CWC27: variants seen among roughly 807,000 people sequenced by gnomAD.
CWC27 encodes the protein CWC27 spliceosome associated cyclophilin.
Under a neutral mutation model 63.6 loss-of-function variants are expected in CWC27, and 47 were observed. That is an observed-to-expected ratio of 0.74 (90% CI 0.58 to 0.94). CWC27 has a LOEUF of 0.94. Ranked by LOEUF, CWC27 falls within the 40% of genes least tolerant of loss-of-function variation. CWC27 has a pLI of 0.00. For missense variants in CWC27, 495 were observed against 554.3 expected, an observed-to-expected ratio of 0.89 and a Z score of 1.07; for synonymous variants, 175 against 179.8, an observed-to-expected ratio of 0.97 and a Z score of 0.22.
intron 10 of CWC27, among the ~76,000 whole-genome samples, chr5:64,863,520 G>A (rs1008413855): frequency 3.3e-5 from 5 of 151,512 alleles, no homozygotes; most frequent in Non-Finnish European, 1.5e-5. Flanking sequence ...TTTACAACAG[G>A]ATATCACTCT....
At chr5:64,968,430 T>G (rs924118163) in intron 11 of CWC27, among the ~76,000 whole-genome samples, 1 of 151,998 alleles carries the variant, frequency 6.6e-6, no homozygotes, top group East Asian at 1.9e-4. Flanking sequence ...CAAACTTGTG[T>G]GTGTAAATGT....
rs569394340 is a variant in CWC27 at position 64,794,048 on chromosome 5, G to A, written c.669+5028G>A. Among the ~76,000 whole-genome samples, 5 of 152,168 alleles carry A rather than the reference G, an allele frequency of 3.3e-5. No homozygotes were observed. In the South Asian group the frequency reaches 1.0e-3, roughly 32 times the overall value. On this transcript the variant is annotated intron_variant, in intron 7 of 13. Coordinates refer to ENST00000381070, the MANE Select transcript of CWC27 (RefSeq NM_005869.4). ...CCTGATAAAATCTCTTAGAATCATA[G>A]AATTTTATAGCTCAAAGGGATTTTG...
intron 10 of CWC27, among the ~76,000 whole-genome samples, chr5:64,828,588 T>C (rs183383270): frequency 6.6e-6 from 1 of 152,142 alleles, no homozygotes; most frequent in African/African-American, 2.4e-5. Context: ...TGGGCCTCTT[T>C]TATAAGTAGG....
intron 10 of CWC27, among the ~76,000 whole-genome samples, chr5:64,861,455 T>C (rs1561438109): frequency 6.6e-6 from 1 of 151,870 alleles, no homozygotes; most frequent in Non-Finnish European, 1.5e-5. Flanking sequence ...GAATCACTTG[T>C]ACACTTATAC....
chr5:64,922,406 T>C (rs1188503222), intron 11 of CWC27, among the ~76,000 whole-genome samples: 2 of 152,220 alleles, frequency 1.3e-5, no homozygotes, highest in Non-Finnish European at 2.9e-5. Flanking sequence ...GATTCTTTCC[T>C]CAGCTTGGTC....
rs777194768 is a variant in CWC27, at chr5:64,977,138, C to T, written c.1156C>T (p.Leu386Phe). The T allele has an allele frequency of 2.5e-6, 4 of 1,600,116 alleles. No individual in the cohort carries two copies. Among genetic ancestry groups the T allele is most frequent in the Non-Finnish European group, 3.4e-6 (4 of 1,170,836 alleles). ...AGCAGTCTAATTGTTATTTCAGACC[C>T]TTGCACTGCTGAACCAGTTTAAATC... ...KKGTSREDQT[L>F]ALLNQFKSKL... The change falls in exon 13 of 14, where the codon CTT (leucine) becomes TTT (phenylalanine). Residue 386 changes from leucine (L) to phenylalanine (F), a missense_variant. Physicochemically the swap from Leu to Phe is conservative, Grantham distance 22 (BLOSUM62 0). This residue lies in a region of CWC27 where 463 missense variants were observed against 498.1 expected (regional missense o/e 0.93). Coordinates refer to ENST00000381070, the MANE Select transcript of CWC27 (RefSeq NM_005869.4).
In CWC27 at chr5:64,829,425, G is replaced by C. The variant is rs548571371; in HGVS notation, c.938+25039G>C. ...ATTTGAAAAATTTAATTTGGGATCTGTTAGAACTCTACTAGTAAAAAAACA... is the reference window on the plus strand; with the variant it reads ...ATTTGAAAAATTTAATTTGGGATCTCTTAGAACTCTACTAGTAAAAAAACA... On this transcript the variant is annotated intron_variant, in intron 10 of 13. Coordinates refer to ENST00000381070, the MANE Select transcript of CWC27 (RefSeq NM_005869.4). 1.3e-4 allele frequency among the ~76,000 whole-genome samples: 20 copies of C among 152,116 alleles called. No individual in the cohort carries two copies. In the South Asian group the frequency reaches 4.1e-3, roughly 32 times the overall value.
At chr5:65,016,734 T>G (rs1031159323) in intron 13 of CWC27, among the ~76,000 whole-genome samples, 2 of 152,160 alleles carry the variant, frequency 1.3e-5, no homozygotes, top group Admixed American at 1.3e-4. Flanking sequence ...TTTTTAGGAT[T>G]CTTCAAAATC....
At chr5:64,952,779 C>G (rs1162646424) in intron 11 of CWC27, among the ~76,000 whole-genome samples, 1 of 152,052 alleles carries the variant, frequency 6.6e-6, no homozygotes, top group Non-Finnish European at 1.5e-5. Flanking sequence ...CCTTTAGAAG[C>G]AAGCTTACAG....
chr5:64,785,404 A>G, intron 4 of CWC27, 77 bp from the exon 5 acceptor site: 1 of 638,892 alleles, frequency 1.6e-6, no homozygotes, highest in Non-Finnish European at 2.5e-6. Flanking sequence ...TATTTGAAAG[A>G]TGTTTTCAAA....
intron 10 of CWC27, among the ~76,000 whole-genome samples, chr5:64,847,725 T>C (rs1433377944): frequency 6.6e-6 from 1 of 152,108 alleles, no homozygotes. Flanking sequence ...ACAGGAAGAA[T>C]TTTGGAAAAA....
At position 65,004,401 on chromosome 5, in the gene CWC27, TG is replaced by T. The variant is rs148329709; in HGVS notation, c.1257-13751del. Among the ~76,000 whole-genome samples, 547 of 112,410 alleles carry T rather than the reference TG, an allele frequency of 4.9e-3. 7 individuals carry two copies. Among genetic ancestry groups the T allele is most frequent in the African/African-American group, 0.018 (504 of 27,694 alleles). 73.7% of individuals were successfully genotyped at this position (112,410 alleles called of 152,430 possible). A position where few individuals can be genotyped will look rare whatever the true frequency, so the allele number is the denominator to read the frequency against. On this transcript the variant is annotated intron_variant, in intron 13 of 13. Transcript: ENST00000381070. ...GGCTTTTTTTTTTTTTTTTTTTTGG[TG>T]GGGGGGTGGTCTGATTTGGTATTCA...
intron 8 of CWC27, 144 bp from the exon 9 acceptor site, chr5:64,801,158 C>G (rs1580615827): frequency 5.4e-6 from 4 of 739,856 alleles, no homozygotes; most frequent in East Asian, 8.3e-5. Context: ...TCCATCTGTT[C>G]TATAATGCCT....
chr5:64,840,404 T>TAC (rs1745798525), intron 10 of CWC27, among the ~76,000 whole-genome samples: 1 of 69,314 alleles, frequency 1.4e-5, no homozygotes, highest in Admixed American at 1.4e-4. Flanking sequence ...AATATATATA[T>TAC]ATATATATAT....
chr5:64,964,904 G>C (rs1438585349), intron 11 of CWC27, among the ~76,000 whole-genome samples: 1 of 151,918 alleles, frequency 6.6e-6, no homozygotes, highest in Non-Finnish European at 1.5e-5. Context: ...AATCAAATTG[G>C]TATTAAATGA....
At chr5:65,011,974 G>A (rs1358974887) in intron 13 of CWC27, among the ~76,000 whole-genome samples, 4 of 152,052 alleles carry the variant, frequency 2.6e-5, no homozygotes, top group South Asian at 2.1e-4. Context: ...TTTCTTTTTT[G>A]TAAGTAAGCA....
intron 10 of CWC27, among the ~76,000 whole-genome samples, chr5:64,876,924 TTCAA>T (rs1746806706): frequency 6.6e-6 from 1 of 152,052 alleles, no homozygotes; most frequent in South Asian, 2.1e-4. Flanking sequence ...AAAAAACTAC[TTCAA>T]TCAAGTAATA....
At chr5:64,775,502 T>C (rs1279494520) in intron 2 of CWC27, among the ~76,000 whole-genome samples, 1 of 152,176 alleles carries the variant, frequency 6.6e-6, no homozygotes, top group African/African-American at 2.4e-5. Flanking sequence ...GTTTCCACTT[T>C]CATACATGTC....
chr5:64,810,024 G>C (rs1293934238), intron 10 of CWC27, among the ~76,000 whole-genome samples: 3 of 151,818 alleles, frequency 2.0e-5, no homozygotes, highest in Non-Finnish European at 2.9e-5. Flanking sequence ...TAGCTTTACA[G>C]TTTCAGGCCT....
Sources: gnomAD v4.1 joint callset for allele counts (sites outside exome capture counted in the v4.1 genomes callset) on GRCh38, gnomAD v4.1.1 for gene constraint, gnomAD v4.1.1 regional missense constraint, MANE v1.5 for transcripts, NCBI Gene and HGNC (gene_info 2026-07-23, HGNC 2026-07-21) for gene names.